The following OR4E2 variants were observed in gnomAD, a reference collection of about 807,000 sequenced individuals.
OR4E2 encodes olfactory receptor family 4 subfamily E member 2.
A neutral mutation model predicts 11.0 loss-of-function variants in OR4E2; 9 were observed. That is an observed-to-expected ratio of 0.82 (90% CI 0.49 to 1.43). The LOEUF (loss-of-function observed/expected upper bound fraction) is 1.43. OR4E2 is among the 40% of genes most tolerant of loss of function. The probability of loss-of-function intolerance (pLI) is 0.00; values close to 1 mark genes in which losing one functional copy is unlikely to be tolerated. For synonymous variants in OR4E2, 159 were observed against 147.3 expected, an observed-to-expected ratio of 1.08 and a Z score of -0.57; for missense variants, 441 against 382.0, an observed-to-expected ratio of 1.15 and a Z score of -1.29.
chr14:21,662,660 T>C (rs1002310551), intron 3 of OR4E2, among the ~76,000 whole-genome samples: 1 of 152,174 alleles, frequency 6.6e-6, no homozygotes, highest in African/African-American at 2.4e-5. Context: ...TTTTATTCAT[T>C]ATGTTTAATA....
At chr14:21,656,374 A>ACATGTATAC (rs1555338116) in intron 1 of OR4E2, 128 bp from the exon 2 acceptor site, 1 of 152,054 alleles carries the variant, frequency 6.6e-6, no homozygotes, top group Non-Finnish European at 1.5e-5. Flanking sequence ...TCACTCACAC[A>ACATGTATAC]CATGTACACA....
At chr14:21,654,458 C>G (rs1271193053) in intron 1 of OR4E2, among the ~76,000 whole-genome samples, 2 of 151,358 alleles carry the variant, frequency 1.3e-5, no homozygotes, top group South Asian at 2.1e-4. Context: ...CACACACACA[C>G]AGATGCACAC....
rs1225994901 is a variant in OR4E2 at position 21,667,529 on chromosome 14, C to CTA, written c.*1508_*1509dup. 6.6e-6 allele frequency: 1 copy of CTA among 152,088 alleles called. No homozygotes were observed. The highest frequency in any genetic ancestry group is 1.5e-5 in the Non-Finnish European group (1 of 68,000). 9.4% of individuals were successfully genotyped at this position (152,088 alleles called of 1,614,324 possible). Reference sequence around the variant, plus strand: ...ACAAGGGTAGAAAATGGTCAGTCCCCTATAATTCTCATATAAAACTTGAGT... The same window carrying CTA: ...ACAAGGGTAGAAAATGGTCAGTCCCCTATATAATTCTCATATAAAACTTGAGT... On this transcript the variant is annotated 3_prime_UTR_variant, in exon 4 of 4. Coordinates refer to ENST00000641524, the MANE Select transcript of OR4E2 (RefSeq NM_001001912.3).
intron 2 of OR4E2, among the ~76,000 whole-genome samples, chr14:21,659,549 T>C (rs1329824643): frequency 6.6e-6 from 1 of 152,156 alleles, no homozygotes; most frequent in East Asian, 1.9e-4. Flanking sequence ...TCAAATTCCA[T>C]TTTAGCCAGT....
rs74726585 is a variant in OR4E2 at position 21,655,718 on chromosome 14, A to G, written c.-190-784A>G. ...TTCTTAATACAAAACTTTAAGCTTA[A>G]TGTTAGTATCAAGTTATATCCCCTA... On this transcript the variant is annotated intron_variant, in intron 1 of 3. Transcript: ENST00000641524. Among the ~76,000 whole-genome samples, 162 of 152,270 alleles carry G rather than the reference A, an allele frequency of 1.1e-3. 4 individuals carry two copies. In the East Asian group the frequency reaches 0.027, roughly 25 times the overall value.
chr14:21,658,008 T>C (rs1880107469), intron 2 of OR4E2, among the ~76,000 whole-genome samples: 1 of 152,202 alleles, frequency 6.6e-6, no homozygotes, highest in Non-Finnish European at 1.5e-5. Flanking sequence ...TTCCCAGTTT[T>C]AGTTGGTAAC....
intron 1 of OR4E2, among the ~76,000 whole-genome samples, chr14:21,655,161 C>G (rs10483255): frequency 6.6e-6 from 1 of 151,958 alleles, no homozygotes; most frequent in Non-Finnish European, 1.5e-5. Flanking sequence ...AAATTATTAC[C>G]TGCATTCCAT....
At chr14:21,655,782 CT>C (rs1051995542) in intron 1 of OR4E2, among the ~76,000 whole-genome samples, 28 of 152,098 alleles carry the variant, frequency 1.8e-4, no homozygotes, top group African/African-American at 2.7e-4. Context: ...AAAATGAATA[CT>C]TTTTTTCTAT....
chr14:21,666,046 T>A lies in OR4E2; in HGVS notation c.*22T>A. On this transcript the variant is annotated 3_prime_UTR_variant, in exon 4 of 4. Transcript: ENST00000641524. ...ATAATGGGCACTGGGATTGCAGACA[T>A]AATTGCAGCCACATCCTTAATGAAA... The A allele has an allele frequency of 6.5e-7, 1 of 1,529,296 alleles. No individual in the cohort carries two copies. Among genetic ancestry groups the A allele is most frequent in the Non-Finnish European group, 9.0e-7 (1 of 1,110,000 alleles). The allele number at this position is 1,529,296 out of a possible 1,614,324, so 94.7% of individuals were successfully genotyped here.
intron 2 of OR4E2, among the ~76,000 whole-genome samples, chr14:21,657,432 CTTCTTTCT>C (rs1446785899): frequency 3.0e-5 from 3 of 98,676 alleles, no homozygotes; most frequent in East Asian, 6.2e-4. Context: ...CTCTTTCTTT[CTTCTTTCT>C]TTCCTTCCTT....
chr14:21,658,421 C>T (rs559422648), intron 2 of OR4E2, among the ~76,000 whole-genome samples: 157 of 152,276 alleles, frequency 1.0e-3, no homozygotes, highest in African/African-American at 3.6e-3. Context: ...GAGGCTAACA[C>T]GATAATGGTC....
chr14:21,663,487 A>AT (rs570978838), intron 3 of OR4E2, among the ~76,000 whole-genome samples: 5 of 149,828 alleles, frequency 3.3e-5, no homozygotes, highest in African/African-American at 7.4e-5. Context: ...CTCGAAAAAA[A>AT]TTTTTTTTTT....
chr14:21,664,983 T>C, intron 3 of OR4E2, 92 bp from the exon 4 acceptor site: 1 of 695,668 alleles, frequency 1.4e-6, no homozygotes, highest in Admixed American at 2.8e-5. Context: ...TGATGATAAA[T>C]AAGCAATTCA....
intron 2 of OR4E2, among the ~76,000 whole-genome samples, chr14:21,657,974 G>GT (rs921687268): frequency 5.0e-4 from 75 of 149,670 alleles, no homozygotes; most frequent in Middle Eastern, 3.4e-3. Context: ...TTTCACAGCA[G>GT]TTTTTTTTTT....
At chr14:21,663,807 C>T (rs995141367) in intron 3 of OR4E2, among the ~76,000 whole-genome samples, 5 of 152,084 alleles carry the variant, frequency 3.3e-5, no homozygotes, top group East Asian at 3.9e-4. Context: ...AGTGGGTCCA[C>T]GTGTTCTCAT....
intron 3 of OR4E2, among the ~76,000 whole-genome samples, chr14:21,663,916 C>T (rs1244016653): frequency 1.3e-5 from 2 of 152,186 alleles, no homozygotes; most frequent in Non-Finnish European, 2.9e-5. Flanking sequence ...ATCCATGTCC[C>T]TGCAAAGGAC....
Position 21,665,882 on chromosome 14 carries a change from T to C in OR4E2, c.800T>C (p.Ile267Thr), listed in dbSNP as rs758649187. 2.7e-5 allele frequency: 43 copies of C among 1,609,374 alleles called. 1 individual carries two copies. The highest frequency in any genetic ancestry group is 2.0e-4 in the South Asian group (18 of 90,348). ...ACTCGGCCAGACACCAGCTTCTCCA[T>C]TGACAAGGTGGTGTCTGTCTTCTAC... ...IYTRPDTSFS[I>T]DKVVSVFYTV... Residue 267 changes from isoleucine to threonine, a missense_variant, in exon 4 of 4, where the codon ATT becomes ACT. Physicochemically the swap from Ile to Thr is moderately conservative, Grantham distance 89. Coordinates refer to ENST00000641524, the MANE Select transcript of OR4E2 (RefSeq NM_001001912.3).
rs540592234 is a variant in OR4E2, at chr14:21,662,833, CT to C, written c.-9+2093del. 7.9e-5 allele frequency among the ~76,000 whole-genome samples: 12 copies of C among 152,048 alleles called. No individual in the cohort carries two copies. In the South Asian group the frequency reaches 2.5e-3, roughly 32 times the overall value. On this transcript the variant is annotated intron_variant, in intron 3 of 3. Transcript: ENST00000641524. ...ATAGTTAATATTTCCTTGCATTTAG[CT>C]TTTTTCATAGTTTGAATGCTTACAA...
At chr14:21,654,295 T>C (rs1021933135) in intron 1 of OR4E2, among the ~76,000 whole-genome samples, 2 of 152,044 alleles carry the variant, frequency 1.3e-5, no homozygotes, top group African/African-American at 4.8e-5. Context: ...TTGATGATCA[T>C]TGCAAAGAAG....
Sources: allele counts gnomAD v4.1 joint callset (sites outside exome capture counted in the v4.1 genomes callset), GRCh38; gene constraint gnomAD v4.1.1; transcripts MANE v1.5; gene names NCBI Gene and HGNC (gene_info 2026-07-23, HGNC 2026-07-21).